The following TCF3 variants were observed in gnomAD, a reference collection of about 807,000 sequenced individuals.
TCF3 encodes transcription factor E2-alpha.
In TCF3, 54 loss-of-function variants were observed where a neutral mutation model predicts 72.3. That is an observed-to-expected ratio of 0.75 (90% CI 0.60 to 0.94). The LOEUF (loss-of-function observed/expected upper bound fraction) is 0.94. TCF3 is among the 40% of genes least tolerant of loss of function. The pLI, the probability that TCF3 is intolerant of heterozygous loss-of-function variation, is 0.00. For missense variants in TCF3, 1,078 were observed against 934.4 expected, an observed-to-expected ratio of 1.15 and a Z score of -2.00; for synonymous variants, 525 against 412.6, an observed-to-expected ratio of 1.27 and a Z score of -3.30.
chr19:1,615,564 G>A lies in TCF3; in HGVS notation c.1587-44C>T, dbSNP rs757137735. 1.2e-6 allele frequency: 2 copies of A among 1,604,904 alleles called. No individual in the cohort carries two copies. Among genetic ancestry groups the A allele is most frequent in the African/African-American group, 1.3e-5 (1 of 75,032 alleles). ...GAGGGGGCCAGAGGGAGACAGTGAG[G>A]TTGGGGGAAGAGCGTGGGGCCCGCC... On this transcript the variant is annotated intron_variant, in intron 17 of 18. Coordinates refer to ENST00000262965, the MANE Select transcript of TCF3 (RefSeq NM_003200.5). The surrounding 1 kb of genome is among the most constrained non-coding windows in gnomAD (Gnocchi z 7.3).
intron 2 of TCF3, among the ~76,000 whole-genome samples, chr19:1,647,779 G>A (rs999819025): frequency 1.3e-5 from 2 of 152,226 alleles, no homozygotes; most frequent in African/African-American, 4.8e-5. Context: ...CATGGGTACC[G>A]GGCTGTGTCC....
At chr19:1,629,377 GAATGAGCACGTGACCTGCACCCCACC>G (rs1406164514) in intron 5 of TCF3, among the ~76,000 whole-genome samples, 3 of 152,146 alleles carry the variant, frequency 2.0e-5, no homozygotes, top group Non-Finnish European at 4.4e-5. Context: ...GTTCATTCGC[GAATGAGCACGTGACCTGCACCCCACC>G]AATGAGCACT....
At chr19:1,621,694 G>T in intron 11 of TCF3, 144 bp downstream of exon 11, 1 of 1,123,710 alleles carries the variant, frequency 8.9e-7, no homozygotes. Flanking sequence ...TGCAGACAGC[G>T]GACAATGAGA....
Position 1,640,577 on chromosome 19 carries a change from G to A in TCF3, c.145+5778C>T, listed in dbSNP as rs10409035. On this transcript the variant is annotated intron_variant, in intron 3 of 18. Coordinates refer to ENST00000262965, the MANE Select transcript of TCF3 (RefSeq NM_003200.5). ...CTCACACCTGTAATCCCAGCACTTC[G>A]GGAGGCCGAGGCGGGCGGATCACAA... Among the ~76,000 whole-genome samples the A allele has an allele frequency of 3.8e-3, 585 of 152,270 alleles. 3 individuals are homozygous for A. Among genetic ancestry groups the A allele is most frequent in the African/African-American group, 0.013 (544 of 41,544 alleles).
chr19:1,636,822 A>T (rs1487682440), intron 3 of TCF3, among the ~76,000 whole-genome samples: 1 of 152,092 alleles, frequency 6.6e-6, no homozygotes, highest in East Asian at 1.9e-4. Flanking sequence ...GAGATCCCGC[A>T]AAGCCTCCCA....
intron 7 of TCF3, 85 bp from the exon 8 acceptor site, chr19:1,624,085 T>G: frequency 2.2e-6 from 3 of 1,393,618 alleles, no homozygotes; most frequent in Non-Finnish European, 3.0e-6. Context: ...ACCCTCACAA[T>G]TCCCGTTTCA....
chr19:1,625,237 C>T (rs902438360), intron 7 of TCF3, among the ~76,000 whole-genome samples: 1 of 152,210 alleles, frequency 6.6e-6, no homozygotes, highest in African/African-American at 2.4e-5. Context: ...GGGGGATGCC[C>T]GCGTGTGCAG....
rs533146391 is a variant in TCF3, at chr19:1,624,072, G to A, written c.500-72C>T. 9 of 1,482,338 alleles carry A rather than the reference G, an allele frequency of 6.1e-6. No individual in the cohort carries two copies. The South Asian group carries it at 9.2e-5, about 15-fold the overall frequency. The allele number at this position is 1,482,338 out of a possible 1,614,324, so 91.8% of individuals were successfully genotyped here. On this transcript the variant is annotated intron_variant, in intron 7 of 18. Transcript: ENST00000262965. Reference sequence around the variant, plus strand: ...AACCCCTGCCCTACACCCTGGAGGAGAGACCCTCACAATTCCCGTTTCATA... The same window carrying A: ...AACCCCTGCCCTACACCCTGGAGGAAAGACCCTCACAATTCCCGTTTCATA...
chr19:1,650,433 C>T (rs1325089400), intron 1 of TCF3, 146 bp from the exon 2 acceptor site: 6 of 604,038 alleles, frequency 9.9e-6, no homozygotes, highest in Admixed American at 3.0e-5. Flanking sequence ...CCTGGGGGCA[C>T]GGGGAGCCCT....
chr19:1,615,210 G>A lies in TCF3; in HGVS notation c.1822+75C>T, dbSNP rs2061428463. On this transcript the variant is annotated intron_variant, in intron 18 of 18. Transcript: ENST00000262965. This position sits in a 1 kb window ranked among gnomAD's most constrained non-coding sequence, Gnocchi z 7.3. ...AGGGCTGGCTCCAGGAAGGCGGGCG[G>A]GGAAGGAGAACGAGGGCAGGAACAC... The A allele has an allele frequency of 2.0e-6, 3 of 1,495,182 alleles. No individual in the cohort carries two copies. Among genetic ancestry groups the A allele is most frequent in the South Asian group, 2.7e-5 (2 of 75,004 alleles). The allele number at this position is 1,495,182 out of a possible 1,614,324, so 92.6% of individuals were successfully genotyped here.
chr19:1,642,273 CACGCACAG>C (rs1249696014), intron 3 of TCF3, among the ~76,000 whole-genome samples: 2 of 151,228 alleles, frequency 1.3e-5, no homozygotes, highest in African/African-American at 2.4e-5. Flanking sequence ...CACGCACGCA[CACGCACAG>C]ACGCGCACAC....
chr19:1,648,547 A>C (rs2145716760), intron 2 of TCF3, among the ~76,000 whole-genome samples: 1 of 152,270 alleles, frequency 6.6e-6, no homozygotes, highest in African/African-American at 2.4e-5. Flanking sequence ...TGTCAGTTTA[A>C]CAAAAAACAA....
chr19:1,632,144 G>A (rs753125362), intron 4 of TCF3, 28 bp from the exon 5 acceptor site: 9 of 1,607,630 alleles, frequency 5.6e-6, no homozygotes, highest in African/African-American at 4.0e-5. Flanking sequence ...GGGATGAGAG[G>A]TGCTGGGGCT....
At chr19:1,642,542 G>C (rs1012005989) in intron 3 of TCF3, among the ~76,000 whole-genome samples, 4 of 152,226 alleles carry the variant, frequency 2.6e-5, no homozygotes, top group Non-Finnish European at 4.4e-5. Context: ...GAGAGTAACA[G>C]AAAATTCACC....
At chr19:1,650,804 A>T in intron 1 of TCF3, 1 of 230,996 alleles carries the variant, frequency 4.3e-6, no homozygotes, top group Non-Finnish European at 8.6e-6. Flanking sequence ...ATTCAACATG[A>T]AGGAAATCCA....
intron 3 of TCF3, among the ~76,000 whole-genome samples, chr19:1,636,612 T>C (rs1434774248): frequency 2.6e-5 from 4 of 152,100 alleles, no homozygotes; most frequent in African/African-American, 9.7e-5. Flanking sequence ...AAATTCAAGC[T>C]ATGGGAGAAG....
chr19:1,646,403 C>A lies in TCF3; in HGVS notation c.97G>T (p.Gly33Trp). 6.5e-7 allele frequency: 1 copy of A among 1,549,972 alleles called. No individual in the cohort carries two copies. Among genetic ancestry groups the A allele is most frequent in the East Asian group, 2.4e-5 (1 of 40,888 alleles). Residue 33 changes from glycine (G) to tryptophan (W), a missense_variant, in exon 3 of 19, where the codon GGG becomes TGG. By Grantham distance (184) the Gly-to-Trp change is radical. Coordinates refer to ENST00000262965, the MANE Select transcript of TCF3 (RefSeq NM_003200.5). Reference protein sequence around the residue: ...SMMFPLPVTNGKGRPASLAGA... With the variant: ...SMMFPLPVTNWKGRPASLAGA... ...GCCAGGGAGGCGGGCCGGCCCTTCC[C>A]GTTGGTGACAGGCAGCGGGAACATC...
At position 1,615,132 on chromosome 19, in the gene TCF3, G is replaced by A. The variant is rs1040634102; in HGVS notation, c.1822+153C>T. On this transcript the variant is annotated intron_variant, in intron 18 of 18. Coordinates refer to ENST00000262965, the MANE Select transcript of TCF3 (RefSeq NM_003200.5). The surrounding 1 kb of genome is among the most constrained non-coding windows in gnomAD (Gnocchi z 7.3). ...CAGGAGTGGACAGTCATGGCAATGC[G>A]GTCAGAGGGGTGAAGGGCACAGTCA... 6.6e-6 allele frequency among the ~76,000 whole-genome samples: 1 copy of A among 152,154 alleles called. No individual in the cohort carries two copies. The highest frequency in any genetic ancestry group is 1.5e-5 in the Non-Finnish European group (1 of 68,026).
At chr19:1,635,621 T>C (rs1362331156) in intron 3 of TCF3, among the ~76,000 whole-genome samples, 1 of 152,108 alleles carries the variant, frequency 6.6e-6, no homozygotes, top group Non-Finnish European at 1.5e-5. Flanking sequence ...TACTCATAAA[T>C]AACTGTGCTT....
Sources: gnomAD v4.1 joint callset for allele counts (sites outside exome capture counted in the v4.1 genomes callset) on GRCh38, gnomAD v4.1.1 for gene constraint, Gnocchi (gnomAD v3.1) non-coding constraint, MANE v1.5 for transcripts, NCBI Gene and HGNC (gene_info 2026-07-23, HGNC 2026-07-21) for gene names.